Variants in HS3ST3A1 observed in about 807,000 individuals in gnomAD.
HS3ST3A1 encodes heparan sulfate-glucosamine 3-sulfotransferase 3A1.
A neutral mutation model predicts 25.7 loss-of-function variants in HS3ST3A1; 19 were observed. That is an observed-to-expected ratio of 0.74 (90% CI 0.52 to 1.08). The LOEUF is 1.08. HS3ST3A1 is among the 50% of genes least tolerant of loss of function. The pLI, the probability that HS3ST3A1 is intolerant of heterozygous loss-of-function variation, is 0.00. For missense variants in HS3ST3A1, 459 were observed against 594.3 expected (o/e 0.77, Z 2.37); for synonymous variants, 226 against 278.6 (o/e 0.81, Z 1.88).
At chr17:13,574,913 A>G (rs943193895) in intron 1 of HS3ST3A1, among the ~76,000 whole-genome samples, 1 of 152,086 alleles carries the variant, frequency 6.6e-6, no homozygotes, top group African/African-American at 2.4e-5. Context: ...CTCACCTTGA[A>G]ATACTGCTTG....
intron 1 of HS3ST3A1, among the ~76,000 whole-genome samples, chr17:13,536,557 T>C (rs2142338462): frequency 6.6e-6 from 1 of 152,306 alleles, no homozygotes; most frequent in South Asian, 2.1e-4. Flanking sequence ...AATTCCATAA[T>C]ACAGAGAAGA....
In HS3ST3A1 at chr17:13,601,102, G is replaced by T. The variant is rs1908725647; in HGVS notation, c.28C>A (p.Leu10Ile). MAPPGPASA[L>I]STSAEPLSRS... ...GACAGCGGCTCGGCCGAGGTGGAGAGGGCACTGGCCGGGCCCGGAGGGGCC... is the reference window on the plus strand; with the variant it reads ...GACAGCGGCTCGGCCGAGGTGGAGATGGCACTGGCCGGGCCCGGAGGGGCC... Residue 10 changes from leucine to isoleucine, a missense_variant, in exon 1 of 2, where the codon CTC becomes ATC. Coordinates refer to ENST00000284110, the MANE Select transcript of HS3ST3A1 (RefSeq NM_006042.3). 1.3e-6 allele frequency: 2 copies of T among 1,586,652 alleles called. No homozygotes were observed. The highest frequency in any genetic ancestry group is 2.3e-5 in the East Asian group (1 of 42,598).
chr17:13,517,394 T>TTGA (rs1055527600), intron 1 of HS3ST3A1, among the ~76,000 whole-genome samples: 1 of 152,158 alleles, frequency 6.6e-6, no homozygotes, highest in African/African-American at 2.4e-5. Flanking sequence ...CAGGTAGACA[T>TTGA]AATAACAAAT....
intron 1 of HS3ST3A1, among the ~76,000 whole-genome samples, chr17:13,561,826 G>A (rs1314885398): frequency 2.0e-5 from 3 of 152,100 alleles, no homozygotes; most frequent in Non-Finnish European, 4.4e-5. Context: ...CAAAATGACA[G>A]AGCTGTGAAT....
intron 1 of HS3ST3A1, among the ~76,000 whole-genome samples, chr17:13,503,184 A>G (rs1378227338): frequency 1.3e-5 from 2 of 151,472 alleles, no homozygotes; most frequent in South Asian, 2.1e-4. Context: ...AAAAAAAAAA[A>G]AAAAAAAGAA....
At chr17:13,556,712 C>T (rs1907386581) in intron 1 of HS3ST3A1, among the ~76,000 whole-genome samples, 1 of 151,384 alleles carries the variant, frequency 6.6e-6, no homozygotes, top group Non-Finnish European at 1.5e-5. Context: ...ATTAGTCAGG[C>T]GTGGTGACAG....
intron 1 of HS3ST3A1, among the ~76,000 whole-genome samples, chr17:13,558,574 T>A (rs1278403722): frequency 6.6e-6 from 1 of 152,222 alleles, no homozygotes; most frequent in Non-Finnish European, 1.5e-5. Context: ...GGGTGGAATC[T>A]GACACAGGCA....
At chr17:13,507,177 A>C (rs1205819452) in intron 1 of HS3ST3A1, among the ~76,000 whole-genome samples, 1 of 152,206 alleles carries the variant, frequency 6.6e-6, no homozygotes, top group Non-Finnish European at 1.5e-5. Context: ...CAGAAATTCA[A>C]GTTCAGGGTC....
intron 1 of HS3ST3A1, among the ~76,000 whole-genome samples, chr17:13,524,684 A>G (rs1236088322): frequency 6.6e-6 from 1 of 152,212 alleles, no homozygotes; most frequent in Non-Finnish European, 1.5e-5. Flanking sequence ...GATTGTATCA[A>G]TATCAATTTC....
At chr17:13,585,840 G>GTCC (rs1908245105) in intron 1 of HS3ST3A1, among the ~76,000 whole-genome samples, 1 of 62,024 alleles carries the variant, frequency 1.6e-5, no homozygotes, top group Non-Finnish European at 2.9e-5. Flanking sequence ...CTCCTTCTGC[G>GTCC]TTTTTTTTTT....
At chr17:13,520,126 C>T (rs1187441698) in intron 1 of HS3ST3A1, among the ~76,000 whole-genome samples, 8 of 152,104 alleles carry the variant, frequency 5.3e-5, no homozygotes, top group Admixed American at 5.2e-4. Flanking sequence ...TGCTTGCCAC[C>T]ACCTCCCTAC....
chr17:13,508,958 C>T (rs1269316443), intron 1 of HS3ST3A1, among the ~76,000 whole-genome samples: 1 of 149,066 alleles, frequency 6.7e-6, no homozygotes, highest in Non-Finnish European at 1.5e-5. Context: ...GTAAGCATCT[C>T]TTTAATTTTT....
At chr17:13,574,173 A>C in intron 1 of HS3ST3A1, among the ~76,000 whole-genome samples, 1 of 138,222 alleles carries the variant, frequency 7.2e-6, no homozygotes, top group Admixed American at 7.8e-5. Context: ...TCACTCTATC[A>C]CTCAGGCTGG....
At chr17:13,569,614 C>T (rs978010872) in intron 1 of HS3ST3A1, among the ~76,000 whole-genome samples, 1 of 152,162 alleles carries the variant, frequency 6.6e-6, no homozygotes, top group Non-Finnish European at 1.5e-5. Context: ...CCTGCCAGCT[C>T]CTTCCATTTC....
At chr17:13,551,617 A>G (rs1174356151) in intron 1 of HS3ST3A1, among the ~76,000 whole-genome samples, 2 of 40,250 alleles carry the variant, frequency 5.0e-5, no homozygotes, top group East Asian at 1.9e-3. Flanking sequence ...CATTCCAAGA[A>G]AAAAAAAAGG....
At chr17:13,519,127 T>C (rs2142316017) in intron 1 of HS3ST3A1, among the ~76,000 whole-genome samples, 1 of 152,358 alleles carries the variant, frequency 6.6e-6, no homozygotes, top group African/African-American at 2.4e-5. Flanking sequence ...CTGAAAGTAT[T>C]GATGTACCCT....
Position 13,494,606 on chromosome 17 carries a change from G to A in HS3ST3A1, c.*1591C>T, listed in dbSNP as rs2142282787. On this transcript the variant is annotated 3_prime_UTR_variant, in exon 2 of 2. Coordinates refer to ENST00000284110, the MANE Select transcript of HS3ST3A1 (RefSeq NM_006042.3). ...TTTGGCAGATAAAGAAAACTTCCATGAAATAGAAGACATTTTTCCTCTTGG... is the reference window on the plus strand; with the variant it reads ...TTTGGCAGATAAAGAAAACTTCCATAAAATAGAAGACATTTTTCCTCTTGG... Among the ~76,000 whole-genome samples the A allele has an allele frequency of 6.6e-6, 1 of 152,238 alleles. No individual in the cohort carries two copies. Among genetic ancestry groups the A allele is most frequent in the Non-Finnish European group, 1.5e-5 (1 of 68,002 alleles).
intron 1 of HS3ST3A1, among the ~76,000 whole-genome samples, chr17:13,570,196 T>G (rs1388962392): frequency 6.7e-6 from 1 of 149,002 alleles, no homozygotes; most frequent in African/African-American, 2.6e-5. Context: ...TCTTAGGATA[T>G]GGAAGACGTA....
At chr17:13,581,256 C>T (rs949366486) in intron 1 of HS3ST3A1, among the ~76,000 whole-genome samples, 3 of 151,970 alleles carry the variant, frequency 2.0e-5, no homozygotes, top group African/African-American at 7.2e-5. Context: ...CACCTGAGGT[C>T]AGGAGTTGAA....
Sources: gnomAD v4.1 joint callset for allele counts (sites outside exome capture counted in the v4.1 genomes callset) on GRCh38, gnomAD v4.1.1 for gene constraint, MANE v1.5 for transcripts, NCBI Gene and HGNC (gene_info 2026-07-23, HGNC 2026-07-21) for gene names.